FOXN3: variants seen among roughly 807,000 people sequenced by gnomAD.
FOXN3 encodes forkhead box N3, also known as forkhead box protein N3.
FOXN3 carries 7 observed loss-of-function variants against 38.4 expected under a neutral mutation model. The observed-to-expected ratio is 0.18, with a 90% CI of 0.10 to 0.34. FOXN3 has a LOEUF of 0.34. Among genes scored for constraint, FOXN3 ranks in the 10% least tolerant of loss-of-function variants. The pLI is 1.00. For missense variants in FOXN3, 456 were observed against 613.4 expected, an observed-to-expected ratio of 0.74 and a Z score of 2.71; for synonymous variants, 230 against 242.2, an observed-to-expected ratio of 0.95 and a Z score of 0.47.
intron 3 of FOXN3, among the ~76,000 whole-genome samples, chr14:89,325,877 C>T (rs977954808): frequency 6.6e-6 from 1 of 152,212 alleles, no homozygotes; most frequent in South Asian, 2.1e-4. Flanking sequence ...AAGCCTAGCC[C>T]CTGTCCTGTC....
intron 1 of FOXN3, among the ~76,000 whole-genome samples, chr14:89,616,491 G>A (rs969218970): frequency 9.2e-5 from 14 of 152,002 alleles, no homozygotes; most frequent in African/African-American, 3.1e-4. Context: ...AAAGTACCAG[G>A]CAATCTTCAT....
At chr14:89,251,965 C>T (rs1422226793) in intron 4 of FOXN3, among the ~76,000 whole-genome samples, 4 of 152,196 alleles carry the variant, frequency 2.6e-5, no homozygotes, top group Non-Finnish European at 4.4e-5. Context: ...GATAAACTAG[C>T]TACAACTGCA....
At chr14:89,516,503 G>A (rs565114099) in intron 1 of FOXN3, among the ~76,000 whole-genome samples, 1 of 151,582 alleles carries the variant, frequency 6.6e-6, no homozygotes, top group South Asian at 2.1e-4. Flanking sequence ...GATATTTAGT[G>A]ACTTCTCAGC....
At chr14:89,529,387 T>G (rs967724259) in intron 1 of FOXN3, among the ~76,000 whole-genome samples, 1 of 152,230 alleles carries the variant, frequency 6.6e-6, no homozygotes, top group Non-Finnish European at 1.5e-5. Context: ...TTTTAGCCAG[T>G]ACAACTTTAC....
chr14:89,248,992 C>G (rs149214022), intron 4 of FOXN3, among the ~76,000 whole-genome samples: 2 of 152,214 alleles, frequency 1.3e-5, no homozygotes, highest in South Asian at 2.1e-4. Flanking sequence ...ATACCCTCCA[C>G]GTATACAAGC....
intron 4 of FOXN3, among the ~76,000 whole-genome samples, chr14:89,266,483 C>G (rs540846515): frequency 1.3e-5 from 2 of 151,898 alleles, no homozygotes; most frequent in Admixed American, 6.6e-5. Flanking sequence ...ATTTTGGAGG[C>G]GGCTGGGGGG....
rs898746299 is a variant in FOXN3 at position 89,412,751 on chromosome 14, C to T, written c.-14-261G>A. On this transcript the variant is annotated intron_variant, in intron 1 of 5. Coordinates refer to ENST00000557258, the MANE Select transcript of FOXN3 (RefSeq NM_005197.4). This position sits in a 1 kb window ranked among gnomAD's most constrained non-coding sequence, Gnocchi z 4.7. ...TTAAATAAAATAAGACCAGTAACACCGGCCAGGCACGGTGGCTCACGCCTG... is the reference window on the plus strand; with the variant it reads ...TTAAATAAAATAAGACCAGTAACACTGGCCAGGCACGGTGGCTCACGCCTG... 6.6e-6 allele frequency among the ~76,000 whole-genome samples: 1 copy of T among 152,106 alleles called. No individual in the cohort carries two copies. The highest frequency in any genetic ancestry group is 1.5e-5 in the Non-Finnish European group (1 of 68,030).
rs536928225 is a variant in FOXN3, at chr14:89,516,037, G to A, written c.-15+102991C>T. 9.2e-5 allele frequency among the ~76,000 whole-genome samples: 14 copies of A among 152,180 alleles called. 1 individual carries two copies. The highest frequency in any genetic ancestry group is 2.9e-4 in the African/African-American group (12 of 41,514). ...GAGTTTTCAAAATGCCACCAGGTGT[G>A]GAGGGAAAAAAGCAATTAAACATTC... On this transcript the variant is annotated intron_variant, in intron 1 of 6. Coordinates refer to the FOXN3 transcript ENST00000345097.
chr14:89,302,641 C>T lies in FOXN3; in HGVS notation c.681-21627G>A, dbSNP rs75608051. Among the ~76,000 whole-genome samples the T allele has an allele frequency of 5.2e-3, 795 of 152,290 alleles. 3 individuals are homozygous for T. The highest frequency in any genetic ancestry group is 0.016 in the South Asian group (76 of 4,832). On this transcript the variant is annotated intron_variant, in intron 3 of 5. Transcript: ENST00000557258. ...CCCTGAGCACACACAGGCCACACAC[C>T]GCTGCCAAGGCTCGTGCCTTCCTCT... is the stretch of plus-strand genomic sequence containing the variant.
intron 3 of FOXN3, among the ~76,000 whole-genome samples, chr14:89,308,448 A>G (rs954474063): frequency 6.6e-6 from 1 of 152,226 alleles, no homozygotes; most frequent in East Asian, 1.9e-4. Flanking sequence ...ATGGGTCTCC[A>G]GTCTACTCTG....
chr14:89,483,138 T>C (rs1596292731), intron 1 of FOXN3, among the ~76,000 whole-genome samples: 1 of 151,858 alleles, frequency 6.6e-6, no homozygotes, highest in East Asian at 1.9e-4. Context: ...ACCCAGGAGG[T>C]GGAGGTTGCA....
At chr14:89,334,922 A>G (rs1225979152) in intron 3 of FOXN3, among the ~76,000 whole-genome samples, 1 of 151,828 alleles carries the variant, frequency 6.6e-6, no homozygotes, top group Non-Finnish European at 1.5e-5. Context: ...GTGCACCACC[A>G]CACCCAGCTA....
chr14:89,190,999 T>C (rs1887927535), intron 4 of FOXN3, among the ~76,000 whole-genome samples: 3 of 152,008 alleles, frequency 2.0e-5, no homozygotes, highest in Admixed American at 6.6e-5. Flanking sequence ...AAAAAGCACT[T>C]AAAATATAAA....
chr14:89,513,979 T>C (rs1027473746), intron 1 of FOXN3, among the ~76,000 whole-genome samples: 1 of 152,012 alleles, frequency 6.6e-6, no homozygotes, highest in African/African-American at 2.4e-5. Flanking sequence ...TAGAGAAAAG[T>C]TGACAGCATT....
intron 3 of FOXN3, among the ~76,000 whole-genome samples, chr14:89,295,133 T>C (rs1886996452): frequency 1.3e-5 from 2 of 152,186 alleles, no homozygotes; most frequent in South Asian, 2.1e-4. Context: ...AGGAGGCTTT[T>C]TGGGCCCATC....
At chr14:89,288,159 C>A (rs1886694279) in intron 3 of FOXN3, among the ~76,000 whole-genome samples, 1 of 152,110 alleles carries the variant, frequency 6.6e-6, no homozygotes, top group Admixed American at 6.5e-5. Context: ...TAGAAACCTA[C>A]CAAGAGTGGC....
chr14:89,364,586 TTC>T (rs1205535153), intron 2 of FOXN3: 1 of 152,202 alleles, frequency 6.6e-6, no homozygotes. Context: ...CACAGAATAT[TTC>T]AAACTCACCG....
intron 3 of FOXN3, among the ~76,000 whole-genome samples, chr14:89,332,166 T>C (rs1219019234): frequency 6.6e-6 from 1 of 152,224 alleles, no homozygotes; most frequent in Admixed American, 6.5e-5. Flanking sequence ...CAATATTCTA[T>C]GATTAAGACA....
Position 89,264,720 on chromosome 14 carries a change from G to T in FOXN3, c.745+16230C>A, listed in dbSNP as rs541395743. Among the ~76,000 whole-genome samples the T allele has an allele frequency of 6.6e-5, 10 of 152,250 alleles. No individual in the cohort carries two copies. The South Asian group carries it at 2.1e-3, about 32-fold the overall frequency. ...TCGTCAGGAACCTGGCTATGAGGACGCTACTCAGTTTCCACAAACAAGTGC... is the reference window on the plus strand; with the variant it reads ...TCGTCAGGAACCTGGCTATGAGGACTCTACTCAGTTTCCACAAACAAGTGC... On this transcript the variant is annotated intron_variant, in intron 4 of 5. Transcript: ENST00000557258.
Sources: gnomAD v4.1 joint callset for allele counts (sites outside exome capture counted in the v4.1 genomes callset) on GRCh38, gnomAD v4.1.1 for gene constraint, Gnocchi (gnomAD v3.1) non-coding constraint, MANE v1.5 for transcripts, NCBI Gene and HGNC (gene_info 2026-07-23, HGNC 2026-07-21) for gene names.